Variants in UBE2C observed in about 807,000 individuals in gnomAD.
The protein encoded by UBE2C is ubiquitin conjugating enzyme E2 C, also known as ubiquitin-conjugating enzyme E2 C.
Under a neutral mutation model 23.5 loss-of-function variants are expected in UBE2C, and 16 were observed. That is an observed-to-expected ratio of 0.68 (90% CI 0.46 to 1.03). The LOEUF (loss-of-function observed/expected upper bound fraction) is 1.03. Ranked by LOEUF, UBE2C falls within the 50% of genes least tolerant of loss-of-function variation. The pLI is 0.00. For synonymous variants in UBE2C, 76 were observed against 91.6 expected (o/e 0.83, Z 0.97); for missense variants, 192 against 227.6 (o/e 0.84, Z 1.01).
chr20:45,814,144 CTCTA>C (rs1338407649), intron 2 of UBE2C, among the ~76,000 whole-genome samples: 4 of 144,124 alleles, frequency 2.8e-5, no homozygotes, highest in African/African-American at 8.4e-5. Context: ...CTCTCTCTCT[CTCTA>C]TATATATATA....
At chr20:45,814,537 C>A in intron 3 of UBE2C, 67 bp downstream of exon 3, 1 of 1,330,630 alleles carries the variant, frequency 7.5e-7, no homozygotes, top group Non-Finnish European at 1.1e-6. Flanking sequence ...CAAGTGCGAG[C>A]TCTGCTTCAA....
chr20:45,813,220 T>C, intron 1 of UBE2C: 1 of 1,461,112 alleles, frequency 6.8e-7, no homozygotes, highest in South Asian at 1.5e-5. Context: ...ATTAAGAACA[T>C]GCCAGAATCA....
chr20:45,815,468 C>T (rs1443348542), intron 3 of UBE2C, 73 bp from the exon 4 acceptor site: 10 of 1,614,080 alleles, frequency 6.2e-6, no homozygotes, highest in South Asian at 1.1e-5. Context: ...TAGCAAGCCC[C>T]TTGTGTGGGG....
At chr20:45,815,382 T>G (rs11697338) in intron 3 of UBE2C, 159 bp from the exon 4 acceptor site, 1 of 1,577,932 alleles carries the variant, frequency 6.3e-7, no homozygotes, top group Non-Finnish European at 8.6e-7. Context: ...AAAAAACTTT[T>G]TAAAAAGGCA....
At chr20:45,815,982 G>A (rs956197016) in intron 5 of UBE2C, 69 bp downstream of exon 5, 4 of 1,558,274 alleles carry the variant, frequency 2.6e-6, no homozygotes, top group South Asian at 1.2e-5. Flanking sequence ...CAAACAAAAG[G>A]AGCCCAGTGA....
chr20:45,816,110 T>G (rs1982526248), intron 5 of UBE2C, among the ~76,000 whole-genome samples, 197 bp downstream of exon 5: 3 of 152,236 alleles, frequency 2.0e-5, no homozygotes, highest in African/African-American at 7.2e-5. Flanking sequence ...ATAAAAATGT[T>G]TGGCGATAAA....
rs867481902 is a variant in UBE2C, at chr20:45,812,846, G to A, written c.101+50G>A. ...CCGGGCCTGCCATGCCCTAGGCATT[G>A]GTACCCAGAGCAAAGATTTCTAGGA... On this transcript the variant is annotated intron_variant, in intron 1 of 5. Transcript: ENST00000356455. The A allele has an allele frequency of 4.0e-6, 6 of 1,516,490 alleles. No individual in the cohort carries two copies. The Middle Eastern group carries it at 5.2e-4, about 131-fold the overall frequency. 93.9% of individuals were successfully genotyped at this position (1,516,490 alleles called of 1,614,324 possible). A position where few individuals can be genotyped will look rare whatever the true frequency, so the allele number is the denominator to read the frequency against.
At position 45,816,917 on chromosome 20, in the gene UBE2C, T is replaced by G; in HGVS notation, c.*150T>G. 3.3e-6 allele frequency: 2 copies of G among 613,376 alleles called. No homozygotes were observed. The highest frequency in any genetic ancestry group is 5.5e-6 in the Non-Finnish European group (2 of 364,760). The allele number at this position is 613,376 out of a possible 1,614,324, so 38.0% of individuals were successfully genotyped here. A position where few individuals can be genotyped will look rare whatever the true frequency, so the allele number is the denominator to read the frequency against. ...TTTAAATTAAGCCTCGGTTGAGCCC[T>G]TGTATATTAAATAAATGCATTTTTG... On this transcript the variant is annotated 3_prime_UTR_variant, in exon 6 of 6. Transcript: ENST00000356455.
intron 2 of UBE2C, 131 bp from the exon 3 acceptor site, chr20:45,814,253 T>C: frequency 2.7e-6 from 1 of 367,928 alleles, no homozygotes; most frequent in Non-Finnish European, 4.7e-6. Context: ...CATATATATG[T>C]GTGTGTGTGT....
intron 1 of UBE2C, 81 bp downstream of exon 1, chr20:45,812,877 C>T: frequency 1.4e-6 from 2 of 1,467,318 alleles, no homozygotes; most frequent in Non-Finnish European, 1.8e-6. Flanking sequence ...TAGGACCACC[C>T]CCCGCCGCCA....
Position 45,816,785 on chromosome 20 carries a change from G to T in UBE2C, c.*18G>T, listed in dbSNP as rs1214509623. ...AGCCCTGACCCAGGCTGCCCAGCCT[G>T]TCCTTGTGTCGTCTTTTTAATTTTT... On this transcript the variant is annotated 3_prime_UTR_variant, in exon 6 of 6. Coordinates refer to ENST00000356455, the MANE Select transcript of UBE2C (RefSeq NM_007019.4). The T allele has an allele frequency of 6.2e-7, 1 of 1,607,678 alleles. No homozygotes were observed. The highest frequency in any genetic ancestry group is 1.3e-5 in the African/African-American group (1 of 74,398).
At position 45,816,748 on chromosome 20, in the gene UBE2C, T is replaced by G. The variant is rs376878469; in HGVS notation, c.521T>G (p.Val174Gly). The part of the protein sequence containing the change: ...KYLQETYSKQ[V>G]TSQEP ...CTGCAAGAAACCTACTCAAAGCAGG[T>G]CACCAGCCAGGAGCCCTGACCCAGG... The change falls in exon 6 of 6, where the codon GTC (valine) becomes GGC (glycine). Residue 174 changes from valine (V) to glycine (G), a missense_variant. By Grantham distance (109) the Val-to-Gly change is moderately radical. Coordinates refer to ENST00000356455, the MANE Select transcript of UBE2C (RefSeq NM_007019.4). The G allele has an allele frequency of 1.2e-6, 2 of 1,613,788 alleles. No homozygotes were observed. Among genetic ancestry groups the G allele is most frequent in the Non-Finnish European group, 1.7e-6 (2 of 1,179,780 alleles).
intron 3 of UBE2C, 63 bp downstream of exon 3, chr20:45,814,533 C>T (rs575412114): frequency 1.3e-5 from 18 of 1,359,456 alleles, no homozygotes; most frequent in Admixed American, 1.8e-5. Flanking sequence ...GATCCAAGTG[C>T]GAGCTCTGCT....
At position 45,814,243 on chromosome 20, in the gene UBE2C, C is replaced by CAT. The variant is rs1280833904; in HGVS notation, c.130-134_130-133dup. On this transcript the variant is annotated intron_variant, in intron 2 of 5. Coordinates refer to ENST00000356455, the MANE Select transcript of UBE2C (RefSeq NM_007019.4). ...ACACATATATATGTGTGTGTGTATA[C>CAT]ATATATATGTGTGTGTGTGTATGTG... is the stretch of plus-strand genomic sequence containing the variant. 1,655 of 317,444 alleles carry CAT rather than the reference C, an allele frequency of 5.2e-3. 40 individuals are homozygous for CAT. Among genetic ancestry groups the CAT allele is most frequent in the African/African-American group, 0.046 (1,569 of 33,880 alleles). The allele number at this position is 317,444 out of a possible 1,614,324, so 19.7% of individuals were successfully genotyped here.
chr20:45,815,379 T>G (rs775502728), intron 3 of UBE2C, 162 bp from the exon 4 acceptor site: 2 of 1,578,042 alleles, frequency 1.3e-6, no homozygotes, highest in Admixed American at 2.0e-5. Context: ...CTAAAAAAAC[T>G]TTTTAAAAAG....
chr20:45,813,397 C>T (rs1010567686), intron 1 of UBE2C, 40 bp from the exon 2 acceptor site: 9 of 1,614,016 alleles, frequency 5.6e-6, no homozygotes, highest in Middle Eastern at 1.6e-4. Context: ...AGGCCTGGCC[C>T]ATCCAGACTC....
chr20:45,813,116 C>T (rs6124745), intron 1 of UBE2C: 5 of 1,398,734 alleles, frequency 3.6e-6, no homozygotes, highest in Non-Finnish European at 4.6e-6. Context: ...CCTGGTGGGC[C>T]TAGATGAAGA....
At chr20:45,814,146 C>A (rs6017695) in intron 2 of UBE2C, among the ~76,000 whole-genome samples, 8,832 of 133,804 alleles carry the variant, frequency 0.066, 425 homozygotes, top group African/African-American at 0.13. Flanking sequence ...CTCTCTCTCT[C>A]TATATATATA....
At chr20:45,812,889 C>T (rs1982054427) in intron 1 of UBE2C, 93 bp downstream of exon 1, 1 of 1,455,110 alleles carries the variant, frequency 6.9e-7, no homozygotes, top group Admixed American at 2.5e-5. Context: ...CCGCCGCCAC[C>T]TCCTGGAGCG....
Sources: gnomAD v4.1 joint callset for allele counts (sites outside exome capture counted in the v4.1 genomes callset) on GRCh38, gnomAD v4.1.1 for gene constraint, MANE v1.5 for transcripts, NCBI Gene and HGNC (gene_info 2026-07-23, HGNC 2026-07-21) for gene names.